The following CHST9 variants were observed in gnomAD, a reference collection of about 807,000 sequenced individuals.
CHST9 encodes GalNAc-4-sulfotransferase 2.
CHST9 carries 41 observed loss-of-function variants against 44.4 expected under a neutral mutation model. The observed-to-expected ratio is 0.92, with a 90% CI of 0.72 to 1.20. The LOEUF (loss-of-function observed/expected upper bound fraction) is 1.20, where lower values mean the gene tolerates loss of function less well. Ranked by LOEUF, CHST9 falls within the 50% of genes most tolerant of loss-of-function variation. The probability of loss-of-function intolerance (pLI) is 0.00; values close to 1 mark genes in which losing one functional copy is unlikely to be tolerated. For missense variants in CHST9, 504 were observed against 516.5 expected, an observed-to-expected ratio of 0.98 and a Z score of 0.23; for synonymous variants, 171 against 178.4, an observed-to-expected ratio of 0.96 and a Z score of 0.33.
chr18:27,074,085 T>C (rs982814165), intron 2 of CHST9, among the ~76,000 whole-genome samples: 1 of 152,132 alleles, frequency 6.6e-6, no homozygotes, highest in African/African-American at 2.4e-5. Context: ...ACAAAGAAAT[T>C]CATATTTTAT....
chr18:27,042,879 C>A (rs550223279), intron 3 of CHST9, among the ~76,000 whole-genome samples: 1 of 151,770 alleles, frequency 6.6e-6, no homozygotes, highest in African/African-American at 2.4e-5. Context: ...CTGCATTTGT[C>A]TTATATTTGC....
intron 2 of CHST9, among the ~76,000 whole-genome samples, chr18:27,051,067 A>C (rs909081685): frequency 6.6e-6 from 1 of 152,182 alleles, no homozygotes; most frequent in Non-Finnish European, 1.5e-5. Context: ...TGTGTAATCA[A>C]GGATTTTGTG....
intron 4 of CHST9, among the ~76,000 whole-genome samples, chr18:26,971,575 A>G (rs1343225564): frequency 6.6e-6 from 1 of 152,232 alleles, no homozygotes; most frequent in Admixed American, 6.5e-5. Context: ...GTTCGAATTA[A>G]TCACTCAGGG....
At chr18:27,017,784 A>C (rs2057172304) in intron 4 of CHST9, among the ~76,000 whole-genome samples, 1 of 152,216 alleles carries the variant, frequency 6.6e-6, no homozygotes, top group Admixed American at 6.5e-5. Flanking sequence ...ATTTTATTGC[A>C]AATTATACAT....
intron 1 of CHST9, among the ~76,000 whole-genome samples, chr18:27,183,750 G>C (rs983310069): frequency 3.9e-5 from 6 of 152,132 alleles, no homozygotes; most frequent in African/African-American, 1.4e-4. Flanking sequence ...GATTCACTTT[G>C]ATTGAAGCTC....
At chr18:27,095,006 T>C (rs1267227729) in intron 2 of CHST9, among the ~76,000 whole-genome samples, 1 of 152,192 alleles carries the variant, frequency 6.6e-6, no homozygotes, top group African/African-American at 2.4e-5. Flanking sequence ...ATCCACTATA[T>C]GTTAAGAGAC....
At chr18:27,034,851 G>A (rs899161212) in intron 3 of CHST9, among the ~76,000 whole-genome samples, 1 of 152,180 alleles carries the variant, frequency 6.6e-6, no homozygotes, top group African/African-American at 2.4e-5. Context: ...ACTGATGAAT[G>A]TGTGTGTTCT....
intron 4 of CHST9, among the ~76,000 whole-genome samples, chr18:27,016,805 TG>T (rs2057160612): frequency 6.6e-6 from 1 of 152,220 alleles, no homozygotes; most frequent in Non-Finnish European, 1.5e-5. Context: ...TATGCACATA[TG>T]ATATTAAAGA....
chr18:27,111,136 G>A (rs2058267550), intron 2 of CHST9, among the ~76,000 whole-genome samples: 1 of 152,192 alleles, frequency 6.6e-6, no homozygotes, highest in Non-Finnish European at 1.5e-5. Flanking sequence ...GACCATGAGA[G>A]AACAAACCTT....
At position 27,142,718 on chromosome 18, in the gene CHST9, A is replaced by AAAT. The variant is rs764605700; in HGVS notation, c.89_91dup (p.Tyr30dup). On this transcript the variant is annotated inframe_insertion, in exon 2 of 6. Transcript: ENST00000618847. ...ATGTTGTTCTTCAATCCAGACTTGC[A>AAAT]AATACATGAAGAGGAGTAGCCCAGC... 1.2e-6 allele frequency: 2 copies of AAAT among 1,610,918 alleles called. No homozygotes were observed. Among genetic ancestry groups the AAAT allele is most frequent in the Admixed American group, 3.4e-5 (2 of 59,630 alleles).
At chr18:27,040,451 G>T (rs142336227) in intron 3 of CHST9, among the ~76,000 whole-genome samples, 1 of 152,226 alleles carries the variant, frequency 6.6e-6, no homozygotes, top group East Asian at 1.9e-4. Flanking sequence ...GGGACCCCTG[G>T]TTCTGGTGTC....
rs369138480 is a variant in CHST9, at chr18:27,152,158, A to G, written c.-96-9253T>C. 2.6e-5 allele frequency among the ~76,000 whole-genome samples: 4 copies of G among 152,166 alleles called. No individual in the cohort carries two copies. In the East Asian group the frequency reaches 5.8e-4, roughly 22 times the overall value. ...CACTAATTTATAGGTGCTTCCTTAT[A>G]CATCTTGTTGCTTTGATTTTCTCTA... On this transcript the variant is annotated intron_variant, in intron 1 of 5. Transcript: ENST00000618847.
chr18:27,137,248 A>T (rs2058521510), intron 2 of CHST9, among the ~76,000 whole-genome samples: 1 of 150,340 alleles, frequency 6.7e-6, no homozygotes, highest in South Asian at 2.1e-4. Context: ...CTCATAATTG[A>T]TTATATTGAT....
At chr18:27,146,430 G>A (rs575210385) in intron 1 of CHST9, among the ~76,000 whole-genome samples, 5 of 152,234 alleles carry the variant, frequency 3.3e-5, no homozygotes, top group East Asian at 1.9e-4. Flanking sequence ...AAGGTGAGGT[G>A]GTAGGAGCAG....
At chr18:27,095,471 C>T (rs537873741) in intron 2 of CHST9, among the ~76,000 whole-genome samples, 1 of 152,212 alleles carries the variant, frequency 6.6e-6, no homozygotes, top group South Asian at 2.1e-4. Flanking sequence ...GATCTAAATG[C>T]TCCACTTAAA....
chr18:27,158,366 G>C (rs1322476000), intron 1 of CHST9, among the ~76,000 whole-genome samples: 2 of 143,152 alleles, frequency 1.4e-5, no homozygotes, highest in Non-Finnish European at 3.0e-5. Flanking sequence ...TTGGTTTTTT[G>C]TCCTTGTGAT....
chr18:26,949,602 A>C (rs1473190351), intron 4 of CHST9, among the ~76,000 whole-genome samples: 5 of 152,248 alleles, frequency 3.3e-5, no homozygotes, highest in African/African-American at 1.2e-4. Flanking sequence ...TGCCTGTAAT[A>C]AAGAGGAAGA....
intron 4 of CHST9, among the ~76,000 whole-genome samples, chr18:27,022,961 T>C (rs575653675): frequency 4.6e-5 from 7 of 152,242 alleles, no homozygotes; most frequent in African/African-American, 1.7e-4. Flanking sequence ...CTTGGCTAAG[T>C]GTTTATTGAA....
chr18:27,144,215 C>CA (rs1236032494), intron 1 of CHST9, among the ~76,000 whole-genome samples: 3 of 152,174 alleles, frequency 2.0e-5, no homozygotes, highest in Non-Finnish European at 2.9e-5. Flanking sequence ...ATTGCTGCAT[C>CA]AAAAAGTTAT....
Sources: allele counts gnomAD v4.1 joint callset (sites outside exome capture counted in the v4.1 genomes callset), GRCh38; gene constraint gnomAD v4.1.1; transcripts MANE v1.5; gene names NCBI Gene and HGNC (gene_info 2026-07-23, HGNC 2026-07-21).